Variants in TEAD1 observed in about 807,000 individuals in gnomAD.
TEAD1 encodes the protein transcriptional enhancer factor TEF-1.
A neutral mutation model predicts 54.9 loss-of-function variants in TEAD1; 9 were observed. The ratio of observed to expected loss-of-function variants is 0.16; its 90% CI spans 0.10 to 0.29. The LOEUF (loss-of-function observed/expected upper bound fraction) is 0.29. TEAD1 is among the 10% of genes least tolerant of loss of function. The pLI is 1.00. For synonymous variants in TEAD1, 200 were observed against 187.8 expected (o/e 1.07, Z -0.53); for missense variants, 387 against 535.9 (o/e 0.72, Z 2.74).
intron 2 of TEAD1, among the ~76,000 whole-genome samples, chr11:12,728,048 C>T (rs1027571633): frequency 1.3e-5 from 2 of 152,186 alleles, no homozygotes; most frequent in Non-Finnish European, 2.9e-5. Context: ...GGGCAGGACA[C>T]AGCCCCTGCC....
chr11:12,918,029 T>A lies in TEAD1; in HGVS notation c.874-6883T>A, dbSNP rs571576602. Among the ~76,000 whole-genome samples the A allele has an allele frequency of 2.6e-4, 39 of 152,326 alleles. 1 individual carries two copies. The South Asian group carries it at 6.0e-3, about 23-fold the overall frequency. On this transcript the variant is annotated intron_variant, in intron 10 of 12. Coordinates refer to ENST00000527636, the MANE Select transcript of TEAD1 (RefSeq NM_021961.6). ...TATCCTGTGGTTAGGTAAAAGCTGATTAGGCAGAAATAGTTTGTATCTCTG... is the reference window on the plus strand; with the variant it reads ...TATCCTGTGGTTAGGTAAAAGCTGAATAGGCAGAAATAGTTTGTATCTCTG...
At chr11:12,701,916 G>T (rs1333236216) in intron 2 of TEAD1, among the ~76,000 whole-genome samples, 1 of 152,136 alleles carries the variant, frequency 6.6e-6, no homozygotes, top group African/African-American at 2.4e-5. Context: ...CCAAAGAGTG[G>T]CAGGATTATG....
At chr11:12,884,027 G>T (rs1353668304) in intron 9 of TEAD1, among the ~76,000 whole-genome samples, 6 of 151,580 alleles carry the variant, frequency 4.0e-5, no homozygotes, top group Non-Finnish European at 8.8e-5. Context: ...TAACAAAATG[G>T]CACTTTAGCA....
At chr11:12,812,704 CT>C in intron 3 of TEAD1, among the ~76,000 whole-genome samples, 1 of 152,162 alleles carries the variant, frequency 6.6e-6, no homozygotes, top group Non-Finnish European at 1.5e-5. Flanking sequence ...CCTCAAATCC[CT>C]CTTGGTACAT....
chr11:12,836,941 A>G (rs146302424), intron 3 of TEAD1, among the ~76,000 whole-genome samples: 314 of 152,338 alleles, frequency 2.1e-3, no homozygotes, highest in African/African-American at 6.7e-3. Context: ...GTTAAATACA[A>G]CTAACTCAGC....
chr11:12,741,969 C>A (rs1190748991), intron 2 of TEAD1, among the ~76,000 whole-genome samples: 1 of 152,192 alleles, frequency 6.6e-6, no homozygotes, highest in African/African-American at 2.4e-5. Context: ...GTTTAGAGGG[C>A]CTGGCCTGCT....
intron 3 of TEAD1, among the ~76,000 whole-genome samples, chr11:12,793,120 GTT>G (rs146383629): frequency 2.0e-5 from 3 of 146,594 alleles, no homozygotes; most frequent in Admixed American, 6.9e-5. Flanking sequence ...CTATGAAGTG[GTT>G]TTTTTTTTTT....
chr11:12,906,140 G>T (rs1244750909), intron 10 of TEAD1, among the ~76,000 whole-genome samples: 4 of 152,026 alleles, frequency 2.6e-5, no homozygotes, highest in Non-Finnish European at 5.9e-5. Flanking sequence ...ATGCCTTCAT[G>T]GTGTGGGACC....
chr11:12,754,448 T>G (rs1195397593), intron 2 of TEAD1, among the ~76,000 whole-genome samples: 1 of 152,206 alleles, frequency 6.6e-6, no homozygotes, highest in Admixed American at 6.5e-5. Flanking sequence ...GCAGACCAGA[T>G]CTGACACCCA....
intron 2 of TEAD1, among the ~76,000 whole-genome samples, chr11:12,681,188 A>G (rs1467816139): frequency 6.6e-6 from 1 of 152,190 alleles, no homozygotes; most frequent in African/African-American, 2.4e-5. Context: ...ATTGTCATTG[A>G]GAGAAAAACA....
chr11:12,891,698 G>T (rs997250572), intron 9 of TEAD1, among the ~76,000 whole-genome samples: 6 of 152,192 alleles, frequency 3.9e-5, no homozygotes, highest in African/African-American at 1.4e-4. Flanking sequence ...CTTCATCTGG[G>T]ACCTGGCTAA....
At chr11:12,727,451 G>A (rs1412254677) in intron 2 of TEAD1, among the ~76,000 whole-genome samples, 1 of 152,144 alleles carries the variant, frequency 6.6e-6, no homozygotes, top group Non-Finnish European at 1.5e-5. Context: ...TTGCTGCCCT[G>A]TTTCTGACAT....
At chr11:12,692,250 A>G (rs1324730920) in intron 2 of TEAD1, among the ~76,000 whole-genome samples, 1 of 152,188 alleles carries the variant, frequency 6.6e-6, no homozygotes. Flanking sequence ...CCAGCAAAGC[A>G]GGGCTCATTT....
chr11:12,803,046 C>G (rs1242496624), intron 3 of TEAD1, among the ~76,000 whole-genome samples: 4 of 151,968 alleles, frequency 2.6e-5, no homozygotes, highest in Non-Finnish European at 5.9e-5. Flanking sequence ...CCAGCCCAAC[C>G]CGGGCCCTGG....
At chr11:12,817,163 ATAT>A (rs1343171591) in intron 3 of TEAD1, among the ~76,000 whole-genome samples, 2 of 152,172 alleles carry the variant, frequency 1.3e-5, no homozygotes, top group Admixed American at 6.5e-5. Flanking sequence ...TGCCACGCTG[ATAT>A]TATTATCTCA....
At chr11:12,718,327 A>T (rs1944107239) in intron 2 of TEAD1, among the ~76,000 whole-genome samples, 1 of 152,116 alleles carries the variant, frequency 6.6e-6, no homozygotes, top group Non-Finnish European at 1.5e-5. Flanking sequence ...AAATAGAGAT[A>T]ATCAGGTGTC....
intron 3 of TEAD1, among the ~76,000 whole-genome samples, chr11:12,859,628 A>G (rs912853615): frequency 1.3e-5 from 2 of 152,256 alleles, no homozygotes; most frequent in South Asian, 4.1e-4. Context: ...TTGAAAGAGA[A>G]TGCTTAGAAA....
intron 2 of TEAD1, among the ~76,000 whole-genome samples, chr11:12,696,889 C>T (rs977998729): frequency 3.3e-5 from 5 of 152,116 alleles, no homozygotes; most frequent in African/African-American, 7.2e-5. Flanking sequence ...GAACTGACTC[C>T]GGTTCCTGGA....
At chr11:12,786,460 C>A (rs1469815768) in intron 3 of TEAD1, among the ~76,000 whole-genome samples, 11 of 152,130 alleles carry the variant, frequency 7.2e-5, no homozygotes, top group Non-Finnish European at 1.6e-4. Flanking sequence ...GATTGCCGGA[C>A]CTGGCAAATA....
Sources: gnomAD v4.1 joint callset for allele counts (sites outside exome capture counted in the v4.1 genomes callset) on GRCh38, gnomAD v4.1.1 for gene constraint, MANE v1.5 for transcripts, NCBI Gene and HGNC (gene_info 2026-07-23, HGNC 2026-07-21) for gene names.